TYW1B: variants seen among roughly 807,000 people sequenced by gnomAD.
TYW1B encodes the protein S-adenosyl-L-methionine-dependent tRNA 4-demethylwyosine synthase TYW1B.
A neutral mutation model predicts 86.9 loss-of-function variants in TYW1B; 73 were observed. That is an observed-to-expected ratio of 0.84 (90% CI 0.70 to 1.02). The LOEUF (loss-of-function observed/expected upper bound fraction) is 1.02. TYW1B is among the 50% of genes least tolerant of loss of function. TYW1B has a pLI of 0.00. For missense variants in TYW1B, 637 were observed against 827.4 expected, an observed-to-expected ratio of 0.77 and a Z score of 2.82; for synonymous variants, 248 against 292.8, an observed-to-expected ratio of 0.85 and a Z score of 1.56.
chr7:72,718,987 T>G (rs1554456804), intron 9 of TYW1B, among the ~76,000 whole-genome samples: 2 of 152,114 alleles, frequency 1.3e-5, no homozygotes, highest in African/African-American at 4.8e-5. Flanking sequence ...TTCCCTGATC[T>G]TTAAAATGGA....
At chr7:72,752,714 G>A (rs1253175708) in intron 7 of TYW1B, among the ~76,000 whole-genome samples, 8 of 150,604 alleles carry the variant, frequency 5.3e-5, no homozygotes, top group Admixed American at 4.7e-4. Flanking sequence ...CTGGGCGACA[G>A]AATGAGACTC....
chr7:72,784,592 G>A (rs782711434), intron 6 of TYW1B, among the ~76,000 whole-genome samples: 1 of 152,126 alleles, frequency 6.6e-6, no homozygotes. Flanking sequence ...CCATCTCTCA[G>A]GCTCAAGCGA....
intron 8 of TYW1B, among the ~76,000 whole-genome samples, chr7:72,738,085 TTTC>T (rs1368604728): frequency 2.0e-4 from 12 of 60,294 alleles, no homozygotes; most frequent in East Asian, 4.7e-4. Context: ...TATTTCTTTC[TTTC>T]TTTTTTTTTT....
intron 10 of TYW1B, among the ~76,000 whole-genome samples, chr7:72,712,907 G>A (rs1786697810): frequency 6.6e-6 from 1 of 152,012 alleles, no homozygotes; most frequent in South Asian, 2.1e-4. Flanking sequence ...CTTACATAAT[G>A]GTTATCACAA....
Position 72,691,894 on chromosome 7 carries a change from G to C in TYW1B, c.1506+2793C>G, listed in dbSNP as rs1814171636. Among the ~76,000 whole-genome samples the C allele has an allele frequency of 5.3e-5, 8 of 152,100 alleles. No homozygotes were observed. In the South Asian group the frequency reaches 1.7e-3, roughly 31 times the overall value. ...ATAGTACTTTACAAATCTCTGTTGA[G>C]TTTCCACCCATTCATTCTTTTAAGA... On this transcript the variant is annotated intron_variant, in intron 11 of 13. Coordinates refer to ENST00000620995, the MANE Select transcript of TYW1B (RefSeq NM_001145440.3).
intron 3 of TYW1B, among the ~76,000 whole-genome samples, chr7:72,814,966 A>G (rs1554479083): frequency 6.8e-6 from 1 of 147,576 alleles, no homozygotes; most frequent in Non-Finnish European, 1.5e-5. Context: ...GCTACTTGGG[A>G]GGCTGAGGCA....
chr7:72,604,103 C>T (rs1471151069), intron 13 of TYW1B, among the ~76,000 whole-genome samples: 4 of 152,082 alleles, frequency 2.6e-5, no homozygotes, highest in Non-Finnish European at 5.9e-5. Context: ...TGGGAACTCT[C>T]TATAATACAG....
At chr7:72,824,538 C>T (rs1788894389) in intron 2 of TYW1B, among the ~76,000 whole-genome samples, 1 of 151,970 alleles carries the variant, frequency 6.6e-6, no homozygotes, top group Non-Finnish European at 1.5e-5. Flanking sequence ...GTCAGGAGTT[C>T]GAGAGCAGCC....
intron 11 of TYW1B, among the ~76,000 whole-genome samples, chr7:72,659,887 T>C (rs374336157): frequency 2.6e-5 from 4 of 152,332 alleles, no homozygotes; most frequent in Non-Finnish European, 5.9e-5. Context: ...TGGCAATTCA[T>C]GAGTAAAGCC....
intron 11 of TYW1B, among the ~76,000 whole-genome samples, chr7:72,668,615 C>T (rs1554445749): frequency 1.3e-5 from 2 of 152,156 alleles, no homozygotes; most frequent in Admixed American, 6.6e-5. Flanking sequence ...ACAAGCCACA[C>T]GTGCTTTCCC....
At chr7:72,590,100 T>C (rs1811361385) in intron 13 of TYW1B, among the ~76,000 whole-genome samples, 2 of 152,130 alleles carry the variant, frequency 1.3e-5, no homozygotes, top group Admixed American at 1.3e-4. Flanking sequence ...AGACAAAAAT[T>C]ACACTGGCAG....
chr7:72,773,039 T>TCC (rs1787894555), intron 7 of TYW1B, among the ~76,000 whole-genome samples: 1 of 152,188 alleles, frequency 6.6e-6, no homozygotes. Flanking sequence ...ATTTAAAAGA[T>TCC]CCCCAGAAGA....
intron 11 of TYW1B, among the ~76,000 whole-genome samples, chr7:72,692,011 G>T (rs1312639449): frequency 1.3e-5 from 2 of 151,574 alleles, no homozygotes; most frequent in Non-Finnish European, 2.9e-5. Context: ...TTTGAGACCA[G>T]CCTGGCCAAC....
chr7:72,689,969 TG>T (rs1172415803), intron 11 of TYW1B, among the ~76,000 whole-genome samples: 1 of 152,218 alleles, frequency 6.6e-6, no homozygotes, highest in Non-Finnish European at 1.5e-5. Flanking sequence ...ATCTCATTAA[TG>T]TACAATAAGC....
intron 8 of TYW1B, among the ~76,000 whole-genome samples, chr7:72,741,912 A>C (rs1347742393): frequency 6.6e-6 from 1 of 152,212 alleles, no homozygotes; most frequent in Non-Finnish European, 1.5e-5. Context: ...AAACTGAAGG[A>C]GACATTAAGA....
At chr7:72,764,977 A>G (rs71553281) in intron 7 of TYW1B, among the ~76,000 whole-genome samples, 14,380 of 152,188 alleles carry the variant, frequency 0.094, 1,190 homozygotes, top group East Asian at 0.33. Context: ...AAAATTCACA[A>G]ACGTTACTAT....
intron 11 of TYW1B, among the ~76,000 whole-genome samples, chr7:72,656,906 T>C (rs1462684533): frequency 6.6e-6 from 1 of 152,182 alleles, no homozygotes; most frequent in Non-Finnish European, 1.5e-5. Flanking sequence ...TCCTGAGGGA[T>C]CTGTCTCCAT....
At chr7:72,729,882 C>T (rs1787072403) in intron 8 of TYW1B, among the ~76,000 whole-genome samples, 1 of 152,178 alleles carries the variant, frequency 6.6e-6, no homozygotes, top group African/African-American at 2.4e-5. Context: ...CCCAGCAACA[C>T]CGACCCTAGC....
chr7:72,651,313 A>G (rs1813048883), intron 11 of TYW1B, among the ~76,000 whole-genome samples: 1 of 152,212 alleles, frequency 6.6e-6, no homozygotes, highest in African/African-American at 2.4e-5. Flanking sequence ...GTGTCTTATC[A>G]TACCTTAAAA....
Sources: gnomAD v4.1 joint callset for allele counts (sites outside exome capture counted in the v4.1 genomes callset) on GRCh38, gnomAD v4.1.1 for gene constraint, MANE v1.5 for transcripts, NCBI Gene and HGNC (gene_info 2026-07-23, HGNC 2026-07-21) for gene names.